CFDP1: variants seen among roughly 807,000 people sequenced by gnomAD.
CFDP1 encodes heterochromatin-stabilizing protein CFDP1.
Under a neutral mutation model 40.1 loss-of-function variants are expected in CFDP1, and 31 were observed. The observed-to-expected ratio is 0.77, with a 90% CI of 0.58 to 1.04. The LOEUF (loss-of-function observed/expected upper bound fraction) is 1.04, where lower values mean the gene tolerates loss of function less well. CFDP1 is among the 50% of genes least tolerant of loss of function. The pLI, the probability that CFDP1 is intolerant of heterozygous loss-of-function variation, is 0.00. For synonymous variants in CFDP1, 167 were observed against 120.0 expected, an observed-to-expected ratio of 1.39 and a Z score of -2.56; for missense variants, 423 against 343.4, an observed-to-expected ratio of 1.23 and a Z score of -1.83.
rs371567335 is a variant in CFDP1 at position 75,410,825 on chromosome 16, C to T, written c.530+1000G>A. ...TCGGGAGGCTGAGACAGGAGAATGGCGTGAACCCAGGAGGTGGAGCTTGCA... is the reference window on the plus strand; with the variant it reads ...TCGGGAGGCTGAGACAGGAGAATGGTGTGAACCCAGGAGGTGGAGCTTGCA... On this transcript the variant is annotated intron_variant, in intron 4 of 6. Transcript: ENST00000283882. Among the ~76,000 whole-genome samples, 106 of 148,160 alleles carry T rather than the reference C, an allele frequency of 7.2e-4. 3 individuals are homozygous for T. The highest frequency in any genetic ancestry group is 1.9e-3 in the African/African-American group (78 of 40,210).
At chr16:75,373,999 T>C (rs2078772893) in intron 5 of CFDP1, among the ~76,000 whole-genome samples, 1 of 152,152 alleles carries the variant, frequency 6.6e-6, no homozygotes, top group African/African-American at 2.4e-5. Flanking sequence ...ACACCTGTAA[T>C]CCCAGCACTT....
intron 5 of CFDP1, 91 bp from the exon 6 acceptor site, chr16:75,305,273 T>A: frequency 7.6e-7 from 1 of 1,312,244 alleles, no homozygotes; most frequent in Non-Finnish European, 1.1e-6. Flanking sequence ...TCCCCTAGAT[T>A]GGGGCCATTT....
intron 5 of CFDP1, among the ~76,000 whole-genome samples, chr16:75,393,059 T>C (rs2078965701): frequency 6.6e-6 from 1 of 152,184 alleles, no homozygotes; most frequent in Non-Finnish European, 1.5e-5. Context: ...AGCAGCATCT[T>C]ACAGCAAGCA....
At chr16:75,392,212 T>A (rs984132501) in intron 5 of CFDP1, among the ~76,000 whole-genome samples, 1 of 151,920 alleles carries the variant, frequency 6.6e-6, no homozygotes, top group Non-Finnish European at 1.5e-5. Context: ...AAGACTAGCC[T>A]GGCCAACATA....
At chr16:75,367,871 G>A (rs549096099) in intron 5 of CFDP1, among the ~76,000 whole-genome samples, 81 of 151,412 alleles carry the variant, frequency 5.3e-4, no homozygotes, top group African/African-American at 1.8e-3. Context: ...TTGGGAGGCC[G>A]AGGCAGGTGG....
chr16:75,330,985 A>AAC (rs1555554967), intron 5 of CFDP1, among the ~76,000 whole-genome samples: 8 of 142,676 alleles, frequency 5.6e-5, no homozygotes, highest in South Asian at 2.2e-4. Flanking sequence ...AAAAAAAAAA[A>AAC]CACAAAGTGG....
At chr16:75,417,929 T>C (rs560515237) in intron 1 of CFDP1, among the ~76,000 whole-genome samples, 14 of 152,214 alleles carry the variant, frequency 9.2e-5, no homozygotes, top group African/African-American at 3.1e-4. Flanking sequence ...AATCTAGATC[T>C]TCAGAATAAG....
Position 75,433,406 on chromosome 16 carries a change from A to G in CFDP1, c.-54T>C, listed in dbSNP as rs2079451306. The G allele has an allele frequency of 2.0e-6, 3 of 1,526,420 alleles. No homozygotes were observed. The highest frequency in any genetic ancestry group is 1.4e-5 in the African/African-American group (1 of 72,840). The allele number at this position is 1,526,420 out of a possible 1,614,324, so 94.6% of individuals were successfully genotyped here. The stretch of plus-strand genomic sequence containing the variant: ...CACAAGACCGCAGCAGCCGCCTCCA[A>G]CGGCAAAGCTCTAGGGAGAGACCAT... On this transcript the variant is annotated 5_prime_UTR_variant, in exon 1 of 7. Coordinates refer to ENST00000283882, the MANE Select transcript of CFDP1 (RefSeq NM_006324.3).
intron 5 of CFDP1, among the ~76,000 whole-genome samples, chr16:75,314,734 T>C (rs2078313755): frequency 6.6e-6 from 1 of 152,146 alleles, no homozygotes; most frequent in African/African-American, 2.4e-5. Flanking sequence ...TAAAAGGAAA[T>C]GAAGGACAAT....
At chr16:75,423,503 G>A (rs1428884027) in intron 1 of CFDP1, among the ~76,000 whole-genome samples, 1 of 151,774 alleles carries the variant, frequency 6.6e-6, no homozygotes, top group Non-Finnish European at 1.5e-5. Flanking sequence ...GTTTCACCAC[G>A]TTGGCGAGGT....
At chr16:75,398,216 A>G (rs1217370082) in intron 4 of CFDP1, among the ~76,000 whole-genome samples, 4 of 152,230 alleles carry the variant, frequency 2.6e-5, no homozygotes, top group South Asian at 4.1e-4. Context: ...GAGCTGACTG[A>G]CACATTTACA....
At chr16:75,372,085 G>A (rs1323634789) in intron 5 of CFDP1, 1 of 152,008 alleles carries the variant, frequency 6.6e-6, no homozygotes, top group African/African-American at 2.4e-5. Context: ...TTTGCACCAG[G>A]CAATCCTGTT....
chr16:75,388,031 G>C (rs185437061), intron 5 of CFDP1, among the ~76,000 whole-genome samples: 16 of 152,332 alleles, frequency 1.1e-4, no homozygotes. Context: ...ACATCTATCA[G>C]GAGAATAAGA....
chr16:75,409,155 G>A (rs2079133073), intron 4 of CFDP1, among the ~76,000 whole-genome samples: 1 of 152,070 alleles, frequency 6.6e-6, no homozygotes, highest in Non-Finnish European at 1.5e-5. Context: ...CACCGTGCCA[G>A]GCCAGTTTTT....
intron 5 of CFDP1, among the ~76,000 whole-genome samples, chr16:75,314,274 C>T (rs1292929127): frequency 6.6e-6 from 1 of 152,054 alleles, no homozygotes. Flanking sequence ...ACTTAATGGG[C>T]TACAAAAAGG....
At chr16:75,394,005 A>C (rs919838751) in intron 5 of CFDP1, among the ~76,000 whole-genome samples, 2 of 152,056 alleles carry the variant, frequency 1.3e-5, no homozygotes, top group African/African-American at 4.8e-5. Context: ...CAGTGAGCCG[A>C]GATTGCGCCA....
chr16:75,430,651 A>C (rs940824024), intron 1 of CFDP1, among the ~76,000 whole-genome samples: 4 of 151,914 alleles, frequency 2.6e-5, no homozygotes, highest in Admixed American at 1.3e-4. Flanking sequence ...TTCAGTAGAG[A>C]TGGGGTTACA....
chr16:75,424,654 TGAGGCAGAAGAATGGCGTGAACCCAG>T, intron 1 of CFDP1, among the ~76,000 whole-genome samples: 1 of 150,614 alleles, frequency 6.6e-6, no homozygotes. Flanking sequence ...CTCGGGAGGC[TGAGGCAGAAGAATGGCGTGAACCCAG>T]GAGGCAGAGG....
At chr16:75,389,906 A>G (rs931974671) in intron 5 of CFDP1, among the ~76,000 whole-genome samples, 15 of 152,168 alleles carry the variant, frequency 9.9e-5, no homozygotes, top group Admixed American at 2.6e-4. Context: ...TTTGAGATGC[A>G]TTTCATAAAA....
Sources: allele counts gnomAD v4.1 joint callset (sites outside exome capture counted in the v4.1 genomes callset), GRCh38; gene constraint gnomAD v4.1.1; transcripts MANE v1.5; gene names NCBI Gene and HGNC (gene_info 2026-07-23, HGNC 2026-07-21).